The following CTNNA2 variants were observed in gnomAD, a reference collection of about 807,000 sequenced individuals.
CTNNA2 encodes the protein catenin alpha 2.
Under a neutral mutation model 101.0 loss-of-function variants are expected in CTNNA2, and 42 were observed. That is an observed-to-expected ratio of 0.42 (90% CI 0.32 to 0.54). The LOEUF (loss-of-function observed/expected upper bound fraction) is 0.54, where lower values mean the gene tolerates loss of function less well. Ranked by LOEUF, CTNNA2 falls within the 20% of genes least tolerant of loss-of-function variation. The probability of loss-of-function intolerance (pLI) is 0.14; values close to 1 mark genes in which losing one functional copy is unlikely to be tolerated. For missense variants in CTNNA2, 871 were observed against 1,223.1 expected, an observed-to-expected ratio of 0.71 and a Z score of 4.29; for synonymous variants, 450 against 456.4, an observed-to-expected ratio of 0.99 and a Z score of 0.18.
At chr2:80,469,129 T>C (rs1208303425) in intron 9 of CTNNA2, among the ~76,000 whole-genome samples, 2 of 152,132 alleles carry the variant, frequency 1.3e-5, no homozygotes, top group Non-Finnish European at 2.9e-5. Context: ...GTTTTGGTTT[T>C]CCCCCTCAAT....
chr2:80,307,226 TG>T (rs1360450150), intron 7 of CTNNA2, among the ~76,000 whole-genome samples: 2 of 152,000 alleles, frequency 1.3e-5, no homozygotes, highest in Admixed American at 6.5e-5. Flanking sequence ...CAGATTGAAA[TG>T]AGCTTTATTG....
rs545182403 is a variant in CTNNA2 at position 80,551,749 on chromosome 2, A to G, written c.1541-3944A>G. On this transcript the variant is annotated intron_variant, in intron 11 of 18. Transcript: ENST00000402739. ...TATGATCTTCTATTTAGACCACTCA[A>G]ACTTTCTCCATATTAGCAATAAGGC... Among the ~76,000 whole-genome samples, 68 of 152,292 alleles carry G rather than the reference A, an allele frequency of 4.5e-4. 2 individuals are homozygous for G. The highest frequency in any genetic ancestry group is 4.1e-3 in the South Asian group (20 of 4,822).
intron 4 of CTNNA2, among the ~76,000 whole-genome samples, chr2:79,477,168 C>CTTTTTTTTTTTTTTTTTTTTT (rs5832392): frequency 1.6e-5 from 2 of 123,148 alleles, no homozygotes; most frequent in African/African-American, 3.3e-5. Context: ...TCTTTTTTTT[C>CTTTTTTTTTTTTTTTTTTTTT]TTTTTTTTTT....
intron 7 of CTNNA2, among the ~76,000 whole-genome samples, chr2:80,346,269 G>A (rs1672727116): frequency 6.6e-6 from 1 of 152,198 alleles, no homozygotes; most frequent in African/African-American, 2.4e-5. Flanking sequence ...AGGCTGTACA[G>A]GAAGCATGGC....
In CTNNA2 at chr2:79,975,220, T is replaced by G. The variant is rs1014049274; in HGVS notation, c.1056+65423T>G. Among the ~76,000 whole-genome samples, 4 of 152,298 alleles carry G rather than the reference T, an allele frequency of 2.6e-5. 1 individual carries two copies. The South Asian group carries it at 8.3e-4, about 32-fold the overall frequency. On this transcript the variant is annotated intron_variant, in intron 7 of 18. Transcript: ENST00000402739. ...GGTTCTCTCCATGGTATCATTCCAG[T>G]GGAACTTGGTCTTCAGCTGTTCCTC...
chr2:79,450,453 ACT>A (rs1392383577), intron 4 of CTNNA2, among the ~76,000 whole-genome samples: 1 of 151,998 alleles, frequency 6.6e-6, no homozygotes, highest in Non-Finnish European at 1.5e-5. Context: ...TAACATGGCC[ACT>A]CTAACAGTGG....
At chr2:80,136,404 T>A (rs1400625938) in intron 7 of CTNNA2, among the ~76,000 whole-genome samples, 1 of 152,178 alleles carries the variant, frequency 6.6e-6, no homozygotes, top group African/African-American at 2.4e-5. Context: ...TAGTCAACCA[T>A]TGCCAATGCT....
intron 1 of CTNNA2, among the ~76,000 whole-genome samples, chr2:79,196,222 G>A (rs999343824): frequency 6.6e-6 from 1 of 152,144 alleles, no homozygotes; most frequent in Non-Finnish European, 1.5e-5. Flanking sequence ...ATAAGCCACC[G>A]CACCCAGCCT....
At chr2:79,355,691 T>C (rs1262929412) in intron 3 of CTNNA2, among the ~76,000 whole-genome samples, 1 of 152,226 alleles carries the variant, frequency 6.6e-6, no homozygotes, top group African/African-American at 2.4e-5. Flanking sequence ...AATGGAGTCA[T>C]AGAATACGTA....
At chr2:79,792,594 G>A (rs1349358142) in intron 3 of CTNNA2, among the ~76,000 whole-genome samples, 1 of 151,702 alleles carries the variant, frequency 6.6e-6, no homozygotes, top group Non-Finnish European at 1.5e-5. Flanking sequence ...CCAATGAGTT[G>A]CCCCTACCTT....
intron 2 of CTNNA2, among the ~76,000 whole-genome samples, chr2:79,226,656 A>G (rs1411729516): frequency 2.6e-5 from 4 of 152,206 alleles, no homozygotes; most frequent in African/African-American, 4.8e-5. Flanking sequence ...TAAAAACAAT[A>G]GTCCATTTAT....
At chr2:79,567,947 C>T (rs2104183722) in intron 1 of CTNNA2, among the ~76,000 whole-genome samples, 1 of 152,198 alleles carries the variant, frequency 6.6e-6, no homozygotes, top group South Asian at 2.1e-4. Context: ...TTAGAGAATG[C>T]CTGCAGACTT....
chr2:79,408,402 C>A (rs1460526770), intron 4 of CTNNA2, among the ~76,000 whole-genome samples: 3 of 151,072 alleles, frequency 2.0e-5, no homozygotes, highest in Admixed American at 6.6e-5. Flanking sequence ...GTGCTGCACC[C>A]ATTAACTCGT....
intron 6 of CTNNA2, among the ~76,000 whole-genome samples, chr2:79,903,828 C>T (rs1038494511): frequency 7.9e-5 from 12 of 152,260 alleles, no homozygotes; most frequent in Non-Finnish European, 8.8e-5. Flanking sequence ...CAGGAGCATG[C>T]GCCTGTGCTT....
chr2:79,449,116 C>A (rs372981962), intron 4 of CTNNA2, among the ~76,000 whole-genome samples: 3 of 151,860 alleles, frequency 2.0e-5, no homozygotes, highest in African/African-American at 2.4e-5. Flanking sequence ...CCCACTCCCC[C>A]CAAAAAGGGG....
intron 7 of CTNNA2, among the ~76,000 whole-genome samples, chr2:80,192,600 C>T (rs1404684346): frequency 1.3e-5 from 2 of 152,066 alleles, no homozygotes; most frequent in African/African-American, 4.8e-5. Context: ...AATCTTGGCT[C>T]ACTGCAACCT....
At position 80,302,018 on chromosome 2, in the gene CTNNA2, A is replaced by T. The variant is rs1017151345; in HGVS notation, c.1057-91193A>T. ...GGAAGGAGTTCTCATATGAAATTTAAGATAGACTGTCCTGAAGGTTGTGGG... is the reference window on the plus strand; with the variant it reads ...GGAAGGAGTTCTCATATGAAATTTATGATAGACTGTCCTGAAGGTTGTGGG... On this transcript the variant is annotated intron_variant, in intron 7 of 18. Transcript: ENST00000402739. This position sits in a 1 kb window ranked among gnomAD's most constrained non-coding sequence, Gnocchi z 6.4. 6.3e-6 allele frequency: 3 copies of T among 474,248 alleles called. No homozygotes were observed. Among genetic ancestry groups the T allele is most frequent in the African/African-American group, 5.9e-5 (3 of 51,142 alleles). 29.4% of individuals were successfully genotyped at this position (474,248 alleles called of 1,614,324 possible).
chr2:80,058,338 C>T (rs1166761073), intron 7 of CTNNA2, among the ~76,000 whole-genome samples: 2 of 152,142 alleles, frequency 1.3e-5, no homozygotes, highest in African/African-American at 2.4e-5. Context: ...TCCCATTTTG[C>T]AGAGAGAAAA....
At chr2:80,255,645 C>G (rs1672085599) in intron 7 of CTNNA2, among the ~76,000 whole-genome samples, 1 of 152,064 alleles carries the variant, frequency 6.6e-6, no homozygotes, top group African/African-American at 2.4e-5. Flanking sequence ...TTTGTTTATG[C>G]CATGTCTGAA....
Sources: gnomAD v4.1 joint callset for allele counts (sites outside exome capture counted in the v4.1 genomes callset) on GRCh38, gnomAD v4.1.1 for gene constraint, Gnocchi (gnomAD v3.1) non-coding constraint, MANE v1.5 for transcripts, NCBI Gene and HGNC (gene_info 2026-07-23, HGNC 2026-07-21) for gene names.